The following NFIC variants were observed in gnomAD, a reference collection of about 807,000 sequenced individuals.
NFIC encodes the protein nuclear factor I C, also known as nuclear factor 1 C-type.
A neutral mutation model predicts 54.4 loss-of-function variants in NFIC; 12 were observed. The observed-to-expected ratio is 0.22, with a 90% CI of 0.14 to 0.36. The LOEUF (loss-of-function observed/expected upper bound fraction) is 0.36. Ranked by LOEUF, NFIC falls within the 10% of genes least tolerant of loss-of-function variation. The pLI is 1.00. For missense variants in NFIC, 575 were observed against 718.2 expected (o/e 0.80, Z 2.28); for synonymous variants, 322 against 319.2 (o/e 1.01, Z -0.09).
intron 2 of NFIC, among the ~76,000 whole-genome samples, chr19:3,400,841 C>CA (rs1448169900): frequency 2.0e-5 from 3 of 151,920 alleles, no homozygotes; most frequent in Admixed American, 2.0e-4. Context: ...GACTCCGTCT[C>CA]AAAAAATAAT....
chr19:3,405,716 C>T (rs565411738), intron 2 of NFIC, among the ~76,000 whole-genome samples: 3 of 151,904 alleles, frequency 2.0e-5, no homozygotes, highest in African/African-American at 7.2e-5. Context: ...TCTCCTGTCT[C>T]AGCCTCTTGA....
upstream of NFIC, chr19:3,366,549 G>T (rs1299305708): frequency 3.3e-6 from 2 of 608,346 alleles, no homozygotes; most frequent in Non-Finnish European, 5.0e-6. Context: ...GGGGGGGTTG[G>T]GGGGGGCGGG....
chr19:3,442,779 C>T (rs2082313863), intron 6 of NFIC, among the ~76,000 whole-genome samples: 1 of 152,232 alleles, frequency 6.6e-6, no homozygotes, highest in African/African-American at 2.4e-5. Context: ...TCCACCCCCC[C>T]TTGGCTCTAT....
intron 3 of NFIC, among the ~76,000 whole-genome samples, chr19:3,432,321 A>G (rs2082132601): frequency 6.6e-6 from 1 of 151,698 alleles, no homozygotes; most frequent in East Asian, 1.9e-4. Context: ...CTCCCATTCA[A>G]CCCCCCATTT....
intron 2 of NFIC, among the ~76,000 whole-genome samples, chr19:3,401,222 C>T (rs1276710848): frequency 1.3e-5 from 2 of 152,082 alleles, no homozygotes; most frequent in Non-Finnish European, 2.9e-5. Flanking sequence ...GGCTTTGACC[C>T]CAAGGCAGGT....
At chr19:3,379,216 C>T (rs1221983061) in intron 1 of NFIC, among the ~76,000 whole-genome samples, 1 of 151,902 alleles carries the variant, frequency 6.6e-6, no homozygotes, top group Non-Finnish European at 1.5e-5. Context: ...TGCGCCACCA[C>T]GCCTGGCTAA....
At chr19:3,440,493 C>T (rs2082277470) in intron 6 of NFIC, among the ~76,000 whole-genome samples, 3 of 151,054 alleles carry the variant, frequency 2.0e-5, no homozygotes, top group South Asian at 2.1e-4. Flanking sequence ...GTGCAATGCG[C>T]GATCTTGACT....
At chr19:3,394,193 T>C (rs971143733) in intron 2 of NFIC, among the ~76,000 whole-genome samples, 1 of 152,060 alleles carries the variant, frequency 6.6e-6, no homozygotes, top group African/African-American at 2.4e-5. Context: ...ATTATTGGTC[T>C]ATTGGTCGGG....
intron 2 of NFIC, among the ~76,000 whole-genome samples, chr19:3,418,724 AG>A (rs1426979235): frequency 9.2e-5 from 14 of 152,190 alleles, no homozygotes; most frequent in African/African-American, 3.1e-4. Context: ...TGGTGGCAGG[AG>A]CCTGTAGTCC....
chr19:3,377,552 G>T (rs1284280270), intron 1 of NFIC, among the ~76,000 whole-genome samples: 1 of 151,906 alleles, frequency 6.6e-6, no homozygotes, highest in Admixed American at 6.6e-5. Flanking sequence ...CTTGTTCCTT[G>T]TATTTATTCC....
intron 2 of NFIC, among the ~76,000 whole-genome samples, chr19:3,411,566 G>A (rs1226281861): frequency 1.3e-5 from 2 of 150,346 alleles, no homozygotes; most frequent in African/African-American, 4.9e-5. Flanking sequence ...GACCTCCAGT[G>A]ATCTGCCCTC....
chr19:3,416,279 T>C (rs1309077838), intron 2 of NFIC, among the ~76,000 whole-genome samples: 2 of 149,716 alleles, frequency 1.3e-5, no homozygotes, highest in Non-Finnish European at 1.5e-5. Context: ...TTTATATACC[T>C]ATATATATTA....
chr19:3,391,796 C>CA (rs201307690), intron 2 of NFIC, among the ~76,000 whole-genome samples: 5 of 149,166 alleles, frequency 3.4e-5, no homozygotes, highest in African/African-American at 7.4e-5. Context: ...GACTCCGTTT[C>CA]AAAAAAAAAT....
intron 6 of NFIC, among the ~76,000 whole-genome samples, chr19:3,442,076 G>A (rs2082302472): frequency 3.3e-5 from 5 of 152,168 alleles, no homozygotes; most frequent in East Asian, 1.9e-4. Context: ...ATGCCAGCCC[G>A]ATGCCAGGCA....
In NFIC at chr19:3,463,221, C is replaced by T. The variant is rs2121968730; in HGVS notation, c.*452C>T. On this transcript the variant is annotated 3_prime_UTR_variant, in exon 11 of 11. Transcript: ENST00000443272. Reference sequence around the variant, plus strand: ...AGACCAGGTGAGCACAGCCTGGAGCCTGTGCCCAGGGCCGACAGGCGCGAC... The same window carrying T: ...AGACCAGGTGAGCACAGCCTGGAGCTTGTGCCCAGGGCCGACAGGCGCGAC... 1 of 1,002,244 alleles carries T rather than the reference C, an allele frequency of 1.0e-6. No individual in the cohort carries two copies. The highest frequency in any genetic ancestry group is 4.4e-5 in the South Asian group (1 of 22,864). The allele number at this position is 1,002,244 out of a possible 1,614,324, so 62.1% of individuals were successfully genotyped here.
Position 3,449,121 on chromosome 19 carries a change from G to A in NFIC, c.1066G>A (p.Val356Ile), listed in dbSNP as rs570268632. Reference sequence around the variant, plus strand: ...CAGCTTCACCCAGCACCACCGGCCCGTCATCGCCGTGCACAGCGGTAAGCG... The same window carrying A: ...CAGCTTCACCCAGCACCACCGGCCCATCATCGCCGTGCACAGCGGTAAGCG... The part of the protein sequence containing the change: ...LSSFTQHHRP[V>I]IAVHSGIARS... Residue 356 changes from valine to isoleucine, a missense_variant, in exon 7 of 11, where the codon GTC becomes ATC. Val to Ile is a conservative substitution (Grantham distance 29, BLOSUM62 3). Around this residue, in one of 3 missense-constraint regions of NFIC, gnomAD observed 447 missense variants for 526.9 expected, o/e 0.85. Transcript: ENST00000443272. 30 of 1,613,324 alleles carry A rather than the reference G, an allele frequency of 1.9e-5. No individual in the cohort carries two copies. Among genetic ancestry groups the A allele is most frequent in the East Asian group, 4.5e-5 (2 of 44,854 alleles).
At chr19:3,360,771 T>G (rs1288091494) in intron 1 of NFIC, among the ~76,000 whole-genome samples, 1 of 152,196 alleles carries the variant, frequency 6.6e-6, no homozygotes, top group African/African-American at 2.4e-5. Flanking sequence ...AAACTATGGC[T>G]GGGCTGCGTG....
intron 2 of NFIC, among the ~76,000 whole-genome samples, chr19:3,412,293 G>T (rs138014278): frequency 1.3e-5 from 2 of 152,212 alleles, no homozygotes; most frequent in Non-Finnish European, 2.9e-5. Flanking sequence ...TGTTGCCCAG[G>T]CTGGAGTGCA....
chr19:3,362,088 G>A (rs1000706213), upstream of NFIC, among the ~76,000 whole-genome samples: 1 of 152,202 alleles, frequency 6.6e-6, no homozygotes, highest in Non-Finnish European at 1.5e-5. Context: ...GTTTCTGCAG[G>A]GCCGAGAGCC....
Sources: allele counts gnomAD v4.1 joint callset (sites outside exome capture counted in the v4.1 genomes callset), GRCh38; gene constraint gnomAD v4.1.1; regional missense constraint gnomAD v4.1.1; transcripts MANE v1.5; gene names NCBI Gene and HGNC (gene_info 2026-07-23, HGNC 2026-07-21).